The following TENM2 variants were observed in gnomAD, a reference collection of about 807,000 sequenced individuals.
TENM2 encodes teneurin transmembrane protein 2.
In TENM2, 52 loss-of-function variants were observed where a neutral mutation model predicts 245.2. The observed-to-expected ratio is 0.21, with a 90% CI of 0.17 to 0.27. The LOEUF (loss-of-function observed/expected upper bound fraction) is 0.27. TENM2 is among the 10% of genes least tolerant of loss of function. TENM2 has a pLI of 1.00. For synonymous variants in TENM2, 1,363 were observed against 1,438.9 expected (o/e 0.95, Z 1.19); for missense variants, 3,046 against 3,666.8 (o/e 0.83, Z 4.37).
At chr5:167,019,866 C>A in the TENM2 span, among the ~76,000 whole-genome samples, 1 of 152,046 alleles carries the variant, frequency 6.6e-6, no homozygotes, top group Admixed American at 6.6e-5. Context: ...TGCTTTCCTT[C>A]TAGCAAAGGA....
intron 2 of TENM2, among the ~76,000 whole-genome samples, chr5:167,432,098 CT>C (rs1764290990): frequency 6.6e-6 from 1 of 151,160 alleles, no homozygotes; most frequent in African/African-American, 2.5e-5. Flanking sequence ...AAAAACCCCC[CT>C]GGAAACAAAC....
chr5:168,263,567 C>T (rs1768401130), downstream of TENM2: 1 of 152,578 alleles, frequency 6.6e-6, no homozygotes, highest in Non-Finnish European at 1.5e-5. Context: ...ACTCTCAGGT[C>T]CCAACTAAGT....
At chr5:167,447,330 A>G (rs1765290237) in intron 2 of TENM2, among the ~76,000 whole-genome samples, 1 of 152,268 alleles carries the variant, frequency 6.6e-6, no homozygotes, top group African/African-American at 2.4e-5. Flanking sequence ...AGCTGTTTTA[A>G]ATTATTACTA....
chr5:167,033,767 G>A, the TENM2 span, among the ~76,000 whole-genome samples: 18 of 152,202 alleles, frequency 1.2e-4, no homozygotes, highest in Admixed American at 1.1e-3. Flanking sequence ...TAACTTAACC[G>A]TATTACCCTG....
intron 25 of TENM2, among the ~76,000 whole-genome samples, chr5:168,228,600 G>GCACTCACT (rs10672019): frequency 9.2e-6 from 1 of 109,202 alleles, no homozygotes; most frequent in Non-Finnish European, 1.7e-5. Context: ...TATGTTCTTT[G>GCACTCACT]CACTCAAGGA....
intron 12 of TENM2, among the ~76,000 whole-genome samples, chr5:168,148,838 T>C (rs1212268878): frequency 1.3e-5 from 2 of 151,868 alleles, no homozygotes; most frequent in Non-Finnish European, 2.9e-5. Flanking sequence ...TGGTAAGGAA[T>C]GTTTGACAGA....
chr5:168,073,677 T>C (rs529725688), intron 7 of TENM2, among the ~76,000 whole-genome samples: 7 of 152,204 alleles, frequency 4.6e-5, no homozygotes, highest in Non-Finnish European at 1.0e-4. Flanking sequence ...AGCTATGGGT[T>C]ACCCTTCTAA....
At chr5:167,001,371 T>TCTCAAGTGTA in the TENM2 span, among the ~76,000 whole-genome samples, 19 of 152,138 alleles carry the variant, frequency 1.2e-4, 1 homozygote, top group Middle Eastern at 3.2e-3. Context: ...TGTTTCTTAT[T>TCTCAAGTGTA]CTCAAGTGTA....
chr5:167,134,167 A>G, the TENM2 span, among the ~76,000 whole-genome samples: 2 of 152,236 alleles, frequency 1.3e-5, no homozygotes, highest in Admixed American at 1.3e-4. Context: ...TGGGATTATT[A>G]AAAGTCAAAA....
At chr5:167,870,634 C>G (rs900796893) in intron 2 of TENM2, among the ~76,000 whole-genome samples, 13 of 146,726 alleles carry the variant, frequency 8.9e-5, no homozygotes, top group African/African-American at 2.8e-4. Flanking sequence ...TATATACACA[C>G]ACACATATAT....
intron 2 of TENM2, among the ~76,000 whole-genome samples, chr5:167,587,197 G>GT (rs1370989753): frequency 2.0e-5 from 3 of 152,066 alleles, no homozygotes; most frequent in Non-Finnish European, 2.9e-5. Flanking sequence ...GTTTCATTGG[G>GT]TTTTTCCCCT....
chr5:167,276,788 T>C, the TENM2 span, among the ~76,000 whole-genome samples: 3 of 152,120 alleles, frequency 2.0e-5, no homozygotes, highest in Admixed American at 2.0e-4. Flanking sequence ...TTGATTTTTA[T>C]TTGTATGATT....
chr5:167,342,070 T>C (rs951186), intron 1 of TENM2, among the ~76,000 whole-genome samples: 152 of 152,320 alleles, frequency 1.0e-3, no homozygotes, highest in African/African-American at 3.4e-3. Flanking sequence ...GTTGCTAACA[T>C]CTTGCAATAG....
At chr5:167,206,096 T>C in the TENM2 span, among the ~76,000 whole-genome samples, 2 of 152,172 alleles carry the variant, frequency 1.3e-5, no homozygotes, top group Non-Finnish European at 2.9e-5. Context: ...TTCATTGACA[T>C]GACATCGGGG....
At chr5:167,242,436 T>G in the TENM2 span, among the ~76,000 whole-genome samples, 1 of 151,872 alleles carries the variant, frequency 6.6e-6, no homozygotes, top group African/African-American at 2.4e-5. Context: ...GATGATGAAA[T>G]AAATGAGATA....
intron 7 of TENM2, among the ~76,000 whole-genome samples, chr5:168,070,232 G>A (rs1435101549): frequency 6.6e-6 from 1 of 152,138 alleles, no homozygotes; most frequent in African/African-American, 2.4e-5. Flanking sequence ...AAAATTCAGT[G>A]TTCATTCTCA....
At chr5:167,879,441 G>A (rs1270217147) in intron 3 of TENM2, among the ~76,000 whole-genome samples, 1 of 152,050 alleles carries the variant, frequency 6.6e-6, no homozygotes, top group Non-Finnish European at 1.5e-5. Context: ...CTCCAGATAT[G>A]TTTCTTGTAT....
At chr5:167,992,871 G>A in intron 4 of TENM2, 73 bp from the exon 7 acceptor site, 1 of 1,204,700 alleles carries the variant, frequency 8.3e-7, no homozygotes, top group Non-Finnish European at 1.2e-6. Flanking sequence ...ATAGAGCAGA[G>A]TGGAAGAAAA....
chr5:168,158,807 ATGTGTGTGTGTG>A (rs371329253), intron 12 of TENM2, among the ~76,000 whole-genome samples: 2 of 80,464 alleles, frequency 2.5e-5, no homozygotes, highest in Non-Finnish European at 4.3e-5. Flanking sequence ...TAAAAAAAAA[ATGTGTGTGTGTG>A]TGTGTGTGTG....
Sources: gnomAD v4.1 joint callset for allele counts (sites outside exome capture counted in the v4.1 genomes callset) on GRCh38, gnomAD v4.1.1 for gene constraint, MANE v1.5 for transcripts, NCBI Gene and HGNC (gene_info 2026-07-23, HGNC 2026-07-21) for gene names.